The following NSDHL variants were observed in gnomAD, a reference collection of about 807,000 sequenced individuals.
NSDHL encodes sterol-4-alpha-carboxylate 3-dehydrogenase, decarboxylating.
Under a neutral mutation model 23.0 loss-of-function variants are expected in NSDHL, and 1 was observed. The observed-to-expected ratio is 0.04, with a 90% confidence interval of 0.02 to 0.21. NSDHL has a LOEUF of 0.21. Ranked by LOEUF, NSDHL falls within the 10% of genes least tolerant of loss-of-function variation. The pLI is 1.00. For missense variants in NSDHL, 237 were observed against 300.9 expected (o/e 0.79, Z 1.57); for synonymous variants, 128 against 121.1 (o/e 1.06, Z -0.37).
At chrX:152,864,212 CTGCTGT>C (rs782361375) in intron 5 of NSDHL, among the ~76,000 whole-genome samples, 1 of 112,659 alleles carries the variant, frequency 8.9e-6, no homozygotes, top group Admixed American at 9.3e-5. Flanking sequence ...CCCAGCCTGT[CTGCTGT>C]TGCTTCAGCT....
Position 152,862,582 on chromosome X carries a change from C to T in NSDHL, c.415-14C>T, listed in dbSNP as rs782450614. On this transcript the variant is annotated splice_polypyrimidine_tract_variant and intron_variant, in intron 4 of 7. Transcript: ENST00000370274. ...AATTTGTGACTTTTATTTTTTCTGACCTTCCTCTGTCAGAAACTCATTTTA... is the reference window on the plus strand; with the variant it reads ...AATTTGTGACTTTTATTTTTTCTGATCTTCCTCTGTCAGAAACTCATTTTA... The T allele has an allele frequency of 8.3e-7, 1 of 1,204,416 alleles. No homozygotes were observed. The highest frequency in any genetic ancestry group is 1.8e-5 in the South Asian group (1 of 56,813).
intron 1 of NSDHL, among the ~76,000 whole-genome samples, chrX:152,838,897 G>T (rs868911330): frequency 9.0e-6 from 1 of 111,649 alleles, no homozygotes; most frequent in Admixed American, 9.5e-5. Flanking sequence ...TGACAGTGGG[G>T]TGTGAAAGTC....
chrX:152,854,039 C>T (rs1462625431), intron 3 of NSDHL, among the ~76,000 whole-genome samples: 2 of 112,579 alleles, frequency 1.8e-5, no homozygotes, highest in African/African-American at 6.5e-5. Context: ...TTTTGTTTTT[C>T]GATCACTGCT....
At chrX:152,835,145 C>A (rs781975717) in intron 1 of NSDHL, among the ~76,000 whole-genome samples, 1 of 111,406 alleles carries the variant, frequency 9.0e-6, no homozygotes, top group South Asian at 3.8e-4. Flanking sequence ...GCGGCACACA[C>A]CTTCATTATG....
chrX:152,866,948 A>G (rs782686906), intron 6 of NSDHL, among the ~76,000 whole-genome samples: 5 of 111,453 alleles, frequency 4.5e-5, no homozygotes, highest in South Asian at 7.6e-4. Flanking sequence ...AGGGAAAGCA[A>G]TGGGCCCCGG....
intron 4 of NSDHL, among the ~76,000 whole-genome samples, chrX:152,860,978 G>A (rs1556847467): frequency 8.9e-6 from 1 of 112,099 alleles, no homozygotes; most frequent in African/African-American, 3.2e-5. Context: ...CCTGCAACTT[G>A]CTTTTTTCCC....
rs781953135 is a variant in NSDHL, at chrX:152,846,286, G to C, written c.-39G>C. On this transcript the variant is annotated 5_prime_UTR_variant, in exon 2 of 8. Coordinates refer to ENST00000370274, the MANE Select transcript of NSDHL (RefSeq NM_015922.3). Reference sequence around the variant, plus strand: ...GTCTCTAACTATGTCTTTAAGAAAAGAAAAGTTGATTACAAACGGGACCAT... The same window carrying C: ...GTCTCTAACTATGTCTTTAAGAAAACAAAAGTTGATTACAAACGGGACCAT... The C allele has an allele frequency of 7.8e-6, 8 of 1,026,414 alleles. No homozygotes were observed. The highest frequency in any genetic ancestry group is 1.1e-5 in the Non-Finnish European group (8 of 725,942). 84.6% of individuals were successfully genotyped at this position (1,026,414 alleles called of 1,213,427 possible).
intron 3 of NSDHL, among the ~76,000 whole-genome samples, chrX:152,854,405 T>A (rs1933407486): frequency 9.1e-6 from 1 of 109,959 alleles, no homozygotes; most frequent in Admixed American, 9.7e-5. Context: ...TTATTTTATT[T>A]TATTTTATTT....
At chrX:152,858,220 G>C (rs782549421) in intron 3 of NSDHL, among the ~76,000 whole-genome samples, 1 of 111,653 alleles carries the variant, frequency 9.0e-6, no homozygotes, top group South Asian at 3.8e-4. Flanking sequence ...AGGTGTGCCT[G>C]GTTCCTCTTG....
intron 6 of NSDHL, among the ~76,000 whole-genome samples, chrX:152,867,037 G>T (rs1602943092): frequency 1.8e-5 from 2 of 111,839 alleles, no homozygotes; most frequent in South Asian, 7.5e-4. Flanking sequence ...GTTAAGTGCA[G>T]GTGGAGGGGC....
At position 152,867,571 on chromosome X, in the gene NSDHL, A is replaced by G; in HGVS notation, c.687A>G (p.Gly229=). The G allele has an allele frequency of 8.3e-7, 1 of 1,198,793 alleles. No individual in the cohort carries two copies. Residue 229 remains glycine (G), a splice_region_variant and synonymous_variant, in exon 7 of 8, where the codon GGA becomes GGG. Transcript: ENST00000370274. The part of the protein sequence containing the change: ...ARNGKMKFVI[G]NGKNLVDFTF... Reference sequence around the variant, plus strand: ...TCCATCATCCCTTGTGCACCTGCAGAAATGGGAAGAACTTGGTGGACTTCA... The same window carrying G: ...TCCATCATCCCTTGTGCACCTGCAGGAATGGGAAGAACTTGGTGGACTTCA...
chrX:152,869,389 T>A lies in NSDHL; in HGVS notation c.*273T>A. On this transcript the variant is annotated 3_prime_UTR_variant, in exon 8 of 8. Coordinates refer to ENST00000370274, the MANE Select transcript of NSDHL (RefSeq NM_015922.3). ...TTTTTGTGTCTCTCTGTTTACCCCCTCCCTTGCCCCCTCTTCTGGTTTATA... is the reference window on the plus strand; with the variant it reads ...TTTTTGTGTCTCTCTGTTTACCCCCACCCTTGCCCCCTCTTCTGGTTTATA... 2.6e-6 allele frequency: 1 copy of A among 385,373 alleles called. No homozygotes were observed. The highest frequency in any genetic ancestry group is 4.6e-6 in the Non-Finnish European group (1 of 215,661). 31.8% of individuals were successfully genotyped at this position (385,373 alleles called of 1,213,427 possible). A position where few individuals can be genotyped will look rare whatever the true frequency, so the allele number is the denominator to read the frequency against.
chrX:152,860,727 TAAA>T (rs377030709), intron 4 of NSDHL, among the ~76,000 whole-genome samples: 1 of 110,247 alleles, frequency 9.1e-6, no homozygotes, highest in Non-Finnish European at 1.9e-5. Context: ...AAAAAAAAAT[TAAA>T]AAAACAACAA....
At chrX:152,856,581 C>T (rs1285737492) in intron 3 of NSDHL, among the ~76,000 whole-genome samples, 2 of 111,180 alleles carry the variant, frequency 1.8e-5, no homozygotes, top group Non-Finnish European at 3.8e-5. Context: ...ATTCTAGGAC[C>T]CTAGGGCAAG....
At chrX:152,866,324 A>G (rs1556848085) in intron 6 of NSDHL, among the ~76,000 whole-genome samples, 2 of 112,065 alleles carry the variant, frequency 1.8e-5, no homozygotes, top group African/African-American at 6.5e-5. Context: ...TCACCCCCTA[A>G]AGGTCCCTCT....
chrX:152,866,039 C>A, intron 6 of NSDHL, 78 bp downstream of exon 6: 1 of 1,073,411 alleles, frequency 9.3e-7, no homozygotes. Context: ...GCAGGAGCCA[C>A]ATGGCATTGT....
At chrX:152,831,292 A>G (rs1334966918) in intron 1 of NSDHL, among the ~76,000 whole-genome samples, 175 bp downstream of exon 1, 2 of 111,805 alleles carry the variant, frequency 1.8e-5, no homozygotes, top group African/African-American at 6.5e-5. Context: ...GTGTTGGAGC[A>G]GGGACTGTAC....
At chrX:152,839,555 T>C (rs1308715355) in intron 1 of NSDHL, among the ~76,000 whole-genome samples, 1 of 112,368 alleles carries the variant, frequency 8.9e-6, no homozygotes, top group African/African-American at 3.2e-5. Flanking sequence ...CCTTCACTTA[T>C]GAAGCTTAGT....
At chrX:152,840,551 C>T (rs1209840856) in intron 1 of NSDHL, among the ~76,000 whole-genome samples, 6 of 112,438 alleles carry the variant, frequency 5.3e-5, no homozygotes, top group African/African-American at 1.9e-4. Flanking sequence ...TTCCTTCTAA[C>T]AGTCAGGTCA....
Sources: gnomAD v4.1 joint callset for allele counts (sites outside exome capture counted in the v4.1 genomes callset) on GRCh38, gnomAD v4.1.1 for gene constraint, MANE v1.5 for transcripts, NCBI Gene and HGNC (gene_info 2026-07-23, HGNC 2026-07-21) for gene names.